Variants in BCKDHB observed in about 807,000 individuals in gnomAD.
BCKDHB encodes the protein 2-oxoisovalerate dehydrogenase subunit beta, mitochondrial.
A neutral mutation model predicts 48.5 loss-of-function variants in BCKDHB; 41 were observed. That is an observed-to-expected ratio of 0.85 (90% CI 0.66 to 1.10). The LOEUF is 1.10. Ranked by LOEUF, BCKDHB falls within the 50% of genes least tolerant of loss-of-function variation. The pLI is 0.00. For missense variants in BCKDHB, 496 were observed against 494.2 expected, an observed-to-expected ratio of 1.00 and a Z score of -0.03; for synonymous variants, 201 against 174.8, an observed-to-expected ratio of 1.15 and a Z score of -1.18.
At chr6:80,327,630 G>GT (rs1191865980) in intron 9 of BCKDHB, among the ~76,000 whole-genome samples, 1 of 152,096 alleles carries the variant, frequency 6.6e-6, no homozygotes. Context: ...AATAAATAGT[G>GT]TTTTCTCTGC....
chr6:80,301,793 C>T lies in BCKDHB; in HGVS notation c.1038+28572C>T, dbSNP rs181538952. On this transcript the variant is annotated intron_variant, in intron 9 of 9. Transcript: ENST00000320393. ...TCAGTAGCACATCAAAAAGTTAATA[C>T]ACTATGATCAAATAGGCTTTATTCC... is the stretch of plus-strand genomic sequence containing the variant. 7.2e-5 allele frequency among the ~76,000 whole-genome samples: 11 copies of T among 152,226 alleles called. No individual in the cohort carries two copies. In the East Asian group the frequency reaches 2.1e-3, roughly 29 times the overall value.
At chr6:80,435,204 G>A in the BCKDHB span, among the ~76,000 whole-genome samples, 44 of 152,114 alleles carry the variant, frequency 2.9e-4, no homozygotes, top group African/African-American at 8.4e-4. Context: ...AAACAATTAC[G>A]TCACATGAAC....
At chr6:80,408,177 A>T in the BCKDHB span, among the ~76,000 whole-genome samples, 1 of 152,046 alleles carries the variant, frequency 6.6e-6, no homozygotes, top group Non-Finnish European at 1.5e-5. Context: ...CATATGTTGA[A>T]CCAGGCTTGC....
chr6:80,172,447 A>G (rs1345887603), intron 6 of BCKDHB, among the ~76,000 whole-genome samples: 3 of 152,128 alleles, frequency 2.0e-5, no homozygotes, highest in African/African-American at 7.2e-5. Flanking sequence ...GTTCATTGAT[A>G]GTATTATTAC....
At chr6:80,300,748 A>ATG (rs1330756819) in intron 9 of BCKDHB, among the ~76,000 whole-genome samples, 1 of 152,224 alleles carries the variant, frequency 6.6e-6, no homozygotes, top group African/African-American at 2.4e-5. Context: ...GAGCAACCAC[A>ATG]TGCTCAGTCA....
chr6:80,162,563 C>T (rs1405448735), intron 3 of BCKDHB, among the ~76,000 whole-genome samples: 1 of 152,148 alleles, frequency 6.6e-6, no homozygotes, highest in Non-Finnish European at 1.5e-5. Flanking sequence ...TCTTAAAAAC[C>T]TGTCTTGCTG....
intron 9 of BCKDHB, among the ~76,000 whole-genome samples, chr6:80,296,128 T>A (rs537935302): frequency 3.5e-4 from 53 of 152,328 alleles, no homozygotes; most frequent in African/African-American, 1.2e-3. Flanking sequence ...ACATTTCACC[T>A]GTCTATGAGA....
At chr6:80,141,524 G>A (rs1185495588) in intron 3 of BCKDHB, among the ~76,000 whole-genome samples, 1 of 152,040 alleles carries the variant, frequency 6.6e-6, no homozygotes, top group Non-Finnish European at 1.5e-5. Flanking sequence ...TGTTCTCTTT[G>A]ACATTTTAAG....
intron 3 of BCKDHB, among the ~76,000 whole-genome samples, chr6:80,165,758 A>G (rs1772538569): frequency 6.6e-6 from 1 of 152,202 alleles, no homozygotes; most frequent in Non-Finnish European, 1.5e-5. Context: ...TCTAATTTGA[A>G]GGGTCTCAAA....
At chr6:80,166,131 C>A (rs1772557066) in intron 3 of BCKDHB, among the ~76,000 whole-genome samples, 1 of 152,138 alleles carries the variant, frequency 6.6e-6, no homozygotes, top group South Asian at 2.1e-4. Flanking sequence ...CCAGTTTATG[C>A]CTACTTTTGG....
chr6:80,149,520 A>C (rs7745545), intron 3 of BCKDHB, among the ~76,000 whole-genome samples: 2 of 151,314 alleles, frequency 1.3e-5, no homozygotes, highest in African/African-American at 4.9e-5. Context: ...ACATGCACAC[A>C]TATGTTTATT....
the BCKDHB span, among the ~76,000 whole-genome samples, chr6:80,384,878 T>C: frequency 6.6e-6 from 1 of 152,126 alleles, no homozygotes; most frequent in Non-Finnish European, 1.5e-5. Context: ...CTTTTGTTGG[T>C]TTTGGGATTT....
At chr6:80,342,766 G>T (rs1769983641) in intron 9 of BCKDHB, among the ~76,000 whole-genome samples, 1 of 151,992 alleles carries the variant, frequency 6.6e-6, no homozygotes, top group Non-Finnish European at 1.5e-5. Flanking sequence ...TTCAGCCTGG[G>T]CGAGAGAGTG....
intron 3 of BCKDHB, among the ~76,000 whole-genome samples, chr6:80,158,523 A>T (rs1772161176): frequency 6.6e-6 from 1 of 152,212 alleles, no homozygotes. Context: ...GAACCATAAA[A>T]ATAGTGCTGC....
intron 9 of BCKDHB, among the ~76,000 whole-genome samples, chr6:80,278,629 A>G (rs585142): frequency 0.46 from 69,742 of 151,754 alleles, 16,340 homozygotes; most frequent in African/African-American, 0.54. Context: ...GCGCAATCTC[A>G]GCTCACTGCA....
intron 7 of BCKDHB, among the ~76,000 whole-genome samples, 181 bp downstream of exon 7, chr6:80,201,212 T>C (rs980116700): frequency 6.6e-6 from 1 of 152,236 alleles, no homozygotes; most frequent in African/African-American, 2.4e-5. Flanking sequence ...CAAATGAAAT[T>C]ATATATCTTC....
chr6:80,146,257 T>C (rs894381509), intron 3 of BCKDHB, among the ~76,000 whole-genome samples: 5 of 152,148 alleles, frequency 3.3e-5, no homozygotes, highest in African/African-American at 1.2e-4. Flanking sequence ...AATCATAGTA[T>C]ACATAGGCCA....
chr6:80,466,183 A>C, the BCKDHB span, among the ~76,000 whole-genome samples: 1 of 152,136 alleles, frequency 6.6e-6, no homozygotes, highest in Non-Finnish European at 1.5e-5. Flanking sequence ...AAGTTCCAGG[A>C]GGAAGTCATG....
the BCKDHB span, among the ~76,000 whole-genome samples, chr6:80,423,603 T>G: frequency 6.6e-6 from 1 of 152,222 alleles, no homozygotes; most frequent in African/African-American, 2.4e-5. Flanking sequence ...TAAGCCATAT[T>G]TAATCTCCAC....
Sources: allele counts gnomAD v4.1 joint callset (sites outside exome capture counted in the v4.1 genomes callset), GRCh38; gene constraint gnomAD v4.1.1; transcripts MANE v1.5; gene names NCBI Gene and HGNC (gene_info 2026-07-23, HGNC 2026-07-21).